KLF12: variants seen among roughly 807,000 people sequenced by gnomAD.
KLF12 encodes Krueppel-like factor 12.
Under a neutral mutation model 37.8 loss-of-function variants are expected in KLF12, and 9 were observed. That is an observed-to-expected ratio of 0.24 (90% CI 0.14 to 0.42). KLF12 has a LOEUF of 0.42. KLF12 is among the 10% of genes least tolerant of loss of function. KLF12 has a pLI of 1.00. For missense variants in KLF12, 411 were observed against 516.0 expected, an observed-to-expected ratio of 0.80 and a Z score of 1.97; for synonymous variants, 208 against 202.1, an observed-to-expected ratio of 1.03 and a Z score of -0.25.
At chr13:73,768,140 G>A (rs944874386) in intron 5 of KLF12, among the ~76,000 whole-genome samples, 1 of 152,132 alleles carries the variant, frequency 6.6e-6, no homozygotes, top group Non-Finnish European at 1.5e-5. Context: ...GTTTACCAAC[G>A]GTGTCATCTT....
chr13:74,247,619 C>CT, the KLF12 span, among the ~76,000 whole-genome samples: 1 of 152,010 alleles, frequency 6.6e-6, no homozygotes, highest in Admixed American at 6.6e-5. Flanking sequence ...GTCAAGTTAT[C>CT]TTTTTTTAGT....
At chr13:74,127,324 G>A (rs1408247461) in intron 1 of KLF12, among the ~76,000 whole-genome samples, 1 of 152,202 alleles carries the variant, frequency 6.6e-6, no homozygotes, top group African/African-American at 2.4e-5. Flanking sequence ...GGTTGACAGC[G>A]TTGAATATAT....
chr13:73,961,785 AAAC>A (rs1891029246), intron 2 of KLF12, among the ~76,000 whole-genome samples: 1 of 152,206 alleles, frequency 6.6e-6, no homozygotes, highest in Non-Finnish European at 1.5e-5. Context: ...TTGCAAATTA[AAAC>A]AACGAGATGC....
At chr13:73,982,113 T>C (rs1049592748) in intron 2 of KLF12, among the ~76,000 whole-genome samples, 4 of 152,246 alleles carry the variant, frequency 2.6e-5, no homozygotes, top group African/African-American at 7.2e-5. Flanking sequence ...ATTCTTTTAA[T>C]TGGTTAAACA....
chr13:74,199,081 C>A, the KLF12 span, among the ~76,000 whole-genome samples: 2 of 152,204 alleles, frequency 1.3e-5, no homozygotes, highest in African/African-American at 4.8e-5. Flanking sequence ...ACCCAGACTT[C>A]ATTCTCACAG....
intron 4 of KLF12, among the ~76,000 whole-genome samples, chr13:73,836,862 T>C (rs901563061): frequency 1.4e-4 from 22 of 152,172 alleles, no homozygotes; most frequent in Non-Finnish European, 2.8e-4. Flanking sequence ...AATTTAATCA[T>C]AGAAGTATTT....
the KLF12 span, among the ~76,000 whole-genome samples, chr13:74,158,178 C>G: frequency 3.9e-5 from 6 of 152,046 alleles, no homozygotes; most frequent in South Asian, 2.1e-4. Context: ...GTGGGTGGTC[C>G]GCATAGGTCC....
chr13:73,825,914 T>G (rs910241286), intron 4 of KLF12, among the ~76,000 whole-genome samples: 1 of 152,098 alleles, frequency 6.6e-6, no homozygotes, highest in African/African-American at 2.4e-5. Context: ...TAGCTAAGCT[T>G]TCTACATGCC....
chr13:74,256,154 C>CAAAA, the KLF12 span, among the ~76,000 whole-genome samples: 1 of 75,618 alleles, frequency 1.3e-5, no homozygotes, highest in South Asian at 4.7e-4. Flanking sequence ...GACTCTGTCT[C>CAAAA]AAAAAAAAAA....
At chr13:74,119,191 G>A (rs1877477915) in intron 1 of KLF12, among the ~76,000 whole-genome samples, 1 of 152,028 alleles carries the variant, frequency 6.6e-6, no homozygotes, top group Non-Finnish European at 1.5e-5. Flanking sequence ...AAATTATCCA[G>A]GTGTGGTGGC....
intron 2 of KLF12, among the ~76,000 whole-genome samples, chr13:73,951,653 G>A (rs1410755593): frequency 2.6e-5 from 4 of 152,176 alleles, no homozygotes; most frequent in Non-Finnish European, 5.9e-5. Context: ...ATACAATGGA[G>A]AGGAGAGCTC....
At chr13:74,241,669 C>T in the KLF12 span, among the ~76,000 whole-genome samples, 148 of 149,160 alleles carry the variant, frequency 9.9e-4, 1 homozygote, top group Non-Finnish European at 1.8e-3. Context: ...GTTTTTTAAG[C>T]CCGTCGGAAA....
At chr13:74,114,214 A>C (rs910257142) in intron 1 of KLF12, among the ~76,000 whole-genome samples, 8 of 152,170 alleles carry the variant, frequency 5.3e-5, no homozygotes, top group African/African-American at 1.9e-4. Flanking sequence ...CACCACCCCG[A>C]TCAGTCAGCA....
chr13:74,278,037 T>C, the KLF12 span, among the ~76,000 whole-genome samples: 4 of 152,166 alleles, frequency 2.6e-5, no homozygotes, highest in Non-Finnish European at 5.9e-5. Flanking sequence ...GGTAGTATTG[T>C]GGGTTGGGTG....
the KLF12 span, among the ~76,000 whole-genome samples, chr13:74,299,602 T>C: frequency 6.6e-6 from 1 of 152,144 alleles, no homozygotes; most frequent in Admixed American, 6.6e-5. Context: ...TCTTAATACT[T>C]TCCCCCCTTT....
intron 7 of KLF12, among the ~76,000 whole-genome samples, chr13:73,711,047 G>A (rs968592543): frequency 3.9e-5 from 6 of 152,198 alleles, no homozygotes; most frequent in Non-Finnish European, 8.8e-5. Context: ...GATCAAACCA[G>A]TTACAATATC....
the KLF12 span, among the ~76,000 whole-genome samples, chr13:74,183,207 C>G: frequency 6.6e-6 from 1 of 152,130 alleles, no homozygotes; most frequent in African/African-American, 2.4e-5. Flanking sequence ...ATGAATATGA[C>G]ATATGGTTCA....
intron 7 of KLF12, among the ~76,000 whole-genome samples, chr13:73,700,287 AATT>A: frequency 6.6e-6 from 1 of 151,380 alleles, no homozygotes; most frequent in African/African-American, 2.4e-5. Flanking sequence ...TAAATAAATT[AATT>A]AATTAATTAA....
At chr13:73,811,099 C>A (rs1458630214) in intron 5 of KLF12, among the ~76,000 whole-genome samples, 1 of 145,264 alleles carries the variant, frequency 6.9e-6, no homozygotes, top group Non-Finnish European at 1.5e-5. Flanking sequence ...GATTCTCCTG[C>A]CTCAGCCTCC....
Sources: gnomAD v4.1 joint callset for allele counts (sites outside exome capture counted in the v4.1 genomes callset) on GRCh38, gnomAD v4.1.1 for gene constraint, MANE v1.5 for transcripts, NCBI Gene and HGNC (gene_info 2026-07-23, HGNC 2026-07-21) for gene names.